EXOC4: variants seen among roughly 807,000 people sequenced by gnomAD.
The protein encoded by EXOC4 is SEC8-like 1.
In EXOC4, 71 loss-of-function variants were observed where a neutral mutation model predicts 107.2. The observed-to-expected ratio is 0.66, with a 90% CI of 0.55 to 0.81. EXOC4 has a LOEUF of 0.81. Ranked by LOEUF, EXOC4 falls within the 30% of genes least tolerant of loss-of-function variation. EXOC4 has a pLI of 0.00. For missense variants in EXOC4, 1,108 were observed against 1,189.6 expected (o/e 0.93, Z 1.01); for synonymous variants, 456 against 441.2 (o/e 1.03, Z -0.42).
intron 7 of EXOC4, among the ~76,000 whole-genome samples, chr7:133,473,196 T>C (rs1270896757): frequency 6.6e-6 from 1 of 152,146 alleles, no homozygotes; most frequent in East Asian, 1.9e-4. Context: ...AGTCCCTGAG[T>C]TGAGTTGTTA....
intron 5 of EXOC4, among the ~76,000 whole-genome samples, chr7:133,328,009 G>A (rs577157267): frequency 5.9e-5 from 9 of 152,220 alleles, no homozygotes; most frequent in East Asian, 1.9e-4. Context: ...TTTCTGTCTC[G>A]TTGATCTGTC....
chr7:133,361,488 G>C (rs938120149), intron 6 of EXOC4, among the ~76,000 whole-genome samples: 1 of 152,152 alleles, frequency 6.6e-6, no homozygotes, highest in Non-Finnish European at 1.5e-5. Flanking sequence ...CACCGTGTTA[G>C]CCAGGATGGT....
the EXOC4 span, among the ~76,000 whole-genome samples, chr7:134,091,643 C>T: frequency 6.6e-6 from 1 of 152,286 alleles, no homozygotes; most frequent in South Asian, 2.1e-4. Context: ...AGTATTTTCA[C>T]AAAGACCCAT....
chr7:133,933,776 GTAAC>G (rs1429009879), intron 13 of EXOC4, among the ~76,000 whole-genome samples: 4 of 152,162 alleles, frequency 2.6e-5, no homozygotes, highest in African/African-American at 9.7e-5. Flanking sequence ...CTTGGCACAA[GTAAC>G]TAATACCCAA....
intron 14 of EXOC4, among the ~76,000 whole-genome samples, chr7:133,985,820 C>A (rs1268762142): frequency 3.9e-5 from 6 of 152,134 alleles, no homozygotes; most frequent in African/African-American, 1.4e-4. Flanking sequence ...CATAGAACAG[C>A]ACATATAATT....
chr7:133,542,574 T>G (rs1227669132), intron 9 of EXOC4, among the ~76,000 whole-genome samples: 2 of 152,160 alleles, frequency 1.3e-5, no homozygotes, highest in Non-Finnish European at 2.9e-5. Flanking sequence ...AGGTTCTGGC[T>G]TCTGTGACCA....
intron 10 of EXOC4, among the ~76,000 whole-genome samples, chr7:133,759,709 A>G (rs1795994646): frequency 6.6e-6 from 1 of 152,208 alleles, no homozygotes; most frequent in South Asian, 2.1e-4. Flanking sequence ...TATGACAGCA[A>G]ACTGAGAGAA....
Position 133,817,415 on chromosome 7 carries a change from C to T in EXOC4, c.1605C>T (p.Ile535=). The T allele has an allele frequency of 6.2e-7, 1 of 1,614,050 alleles. No homozygotes were observed. Among genetic ancestry groups the T allele is most frequent in the Non-Finnish European group, 8.5e-7 (1 of 1,179,950 alleles). ...REFLTVYIKN[I]FLNQVLAEIN... ...TTCTCACCGTGTACATCAAAAACAT[C>T]TTTCTCAATCAAGTCTTGGCTGAGA... is the stretch of plus-strand genomic sequence containing the variant. Residue 535 remains isoleucine, a synonymous_variant, in exon 11 of 18, where the codon ATC becomes ATT. Transcript: ENST00000253861.
chr7:134,026,934 CA>C (rs1795150674), intron 17 of EXOC4, among the ~76,000 whole-genome samples: 1 of 152,044 alleles, frequency 6.6e-6, no homozygotes, highest in South Asian at 2.1e-4. Context: ...GTAAGAAAAT[CA>C]AGAGTTTGGT....
At chr7:133,377,247 A>G (rs959952066) in intron 7 of EXOC4, among the ~76,000 whole-genome samples, 3 of 152,074 alleles carry the variant, frequency 2.0e-5, no homozygotes, top group African/African-American at 7.2e-5. Context: ...CCAGCTACTC[A>G]GGAAGCTGAG....
the EXOC4 span, among the ~76,000 whole-genome samples, chr7:134,083,796 T>C: frequency 2.6e-5 from 4 of 152,212 alleles, no homozygotes; most frequent in Non-Finnish European, 5.9e-5. Flanking sequence ...AGGCCAGTCA[T>C]AGATCCTACC....
intron 11 of EXOC4, among the ~76,000 whole-genome samples, chr7:133,850,423 TAA>T (rs143437526): frequency 0.024 from 3,621 of 152,236 alleles, 144 homozygotes; most frequent in African/African-American, 0.083. Flanking sequence ...CAGTATTAAA[TAA>T]GTTTGTTTTT....
chr7:133,815,056 T>G (rs978590449), intron 10 of EXOC4, among the ~76,000 whole-genome samples: 7 of 152,276 alleles, frequency 4.6e-5, no homozygotes, highest in African/African-American at 1.4e-4. Context: ...GCTGAAACCA[T>G]GCAAAGCAAT....
chr7:133,313,964 A>G (rs1794933506), intron 4 of EXOC4, among the ~76,000 whole-genome samples: 1 of 152,218 alleles, frequency 6.6e-6, no homozygotes, highest in Non-Finnish European at 1.5e-5. Flanking sequence ...ATGATTCTGA[A>G]TGGATTTAAA....
intron 1 of EXOC4, among the ~76,000 whole-genome samples, chr7:133,267,994 A>G (rs1451358290): frequency 6.6e-6 from 1 of 152,204 alleles, no homozygotes; most frequent in Non-Finnish European, 1.5e-5. Flanking sequence ...GCTTTAGGGG[A>G]TTTGGGCTAA....
chr7:133,395,321 T>C (rs1796946985), intron 7 of EXOC4, among the ~76,000 whole-genome samples: 1 of 152,150 alleles, frequency 6.6e-6, no homozygotes, highest in African/African-American at 2.4e-5. Context: ...CTGTTGTTCA[T>C]CTTGTAGGAT....
chr7:133,280,705 A>G (rs2150532294), intron 2 of EXOC4, among the ~76,000 whole-genome samples: 1 of 152,318 alleles, frequency 6.6e-6, no homozygotes, highest in East Asian at 1.9e-4. Context: ...GAGTAATGAA[A>G]CATTCATTAT....
chr7:133,555,424 A>G (rs1800672657), intron 9 of EXOC4, among the ~76,000 whole-genome samples: 1 of 152,182 alleles, frequency 6.6e-6, no homozygotes. Context: ...TTATTCCTCT[A>G]AGAACCTAGG....
At chr7:134,082,328 A>G in the EXOC4 span, among the ~76,000 whole-genome samples, 1 of 152,174 alleles carries the variant, frequency 6.6e-6, no homozygotes, top group Non-Finnish European at 1.5e-5. Context: ...TGGCATTTGT[A>G]AACTGTCATG....
Sources: allele counts gnomAD v4.1 joint callset (sites outside exome capture counted in the v4.1 genomes callset), GRCh38; gene constraint gnomAD v4.1.1; transcripts MANE v1.5; gene names NCBI Gene and HGNC (gene_info 2026-07-23, HGNC 2026-07-21).